Variants in SYT9 observed in about 807,000 individuals in gnomAD.
SYT9 encodes synaptotagmin-9.
In SYT9, 22 loss-of-function variants were observed where a neutral mutation model predicts 48.4. The observed-to-expected ratio is 0.45, with a 90% CI of 0.32 to 0.65. SYT9 has a LOEUF of 0.65. Among genes scored for constraint, SYT9 ranks in the 30% least tolerant of loss-of-function variants. SYT9 has a pLI of 0.03. For missense variants in SYT9, 577 were observed against 622.0 expected (o/e 0.93, Z 0.77); for synonymous variants, 265 against 245.0 (o/e 1.08, Z -0.76).
At chr11:7,366,977 T>C (rs960444247) in intron 3 of SYT9, among the ~76,000 whole-genome samples, 2 of 151,648 alleles carry the variant, frequency 1.3e-5, no homozygotes, top group Non-Finnish European at 2.9e-5. Flanking sequence ...ATATTATACC[T>C]GATTCTCGTG....
chr11:7,416,244 C>G, intron 4 of SYT9, 82 bp downstream of exon 4: 1 of 1,532,078 alleles, frequency 6.5e-7, no homozygotes, highest in East Asian at 2.3e-5. Context: ...GGTAATAAAG[C>G]ACATTGACTC....
At chr11:7,417,157 C>A (rs1055902908) in intron 4 of SYT9, among the ~76,000 whole-genome samples, 13 of 141,686 alleles carry the variant, frequency 9.2e-5, no homozygotes, top group Non-Finnish European at 1.9e-4. Context: ...ATCCTATATC[C>A]CAGTGTTTTT....
At chr11:7,267,301 G>T (rs1564841379) in intron 1 of SYT9, among the ~76,000 whole-genome samples, 1 of 151,768 alleles carries the variant, frequency 6.6e-6, no homozygotes, top group Non-Finnish European at 1.5e-5. Context: ...AAATAATAAA[G>T]AAAAATCATG....
chr11:7,433,353 A>C (rs771790190), intron 6 of SYT9, among the ~76,000 whole-genome samples: 2 of 152,234 alleles, frequency 1.3e-5, no homozygotes, highest in Non-Finnish European at 2.9e-5. Context: ...CCAATCAAGA[A>C]AGTAAATACC....
At chr11:7,462,797 A>C (rs1484858840) in intron 6 of SYT9, among the ~76,000 whole-genome samples, 2 of 152,226 alleles carry the variant, frequency 1.3e-5, no homozygotes, top group Admixed American at 1.3e-4. Context: ...CTTAGTTCAG[A>C]GCCCTTAGGT....
At chr11:7,254,723 C>G (rs1847935481) in intron 1 of SYT9, among the ~76,000 whole-genome samples, 2 of 152,302 alleles carry the variant, frequency 1.3e-5, no homozygotes, top group Middle Eastern at 6.8e-3. Flanking sequence ...CTGTTATTGT[C>G]CATTCACGGC....
intron 3 of SYT9, among the ~76,000 whole-genome samples, chr11:7,348,836 C>G (rs1849853668): frequency 6.6e-6 from 1 of 151,770 alleles, no homozygotes; most frequent in Non-Finnish European, 1.5e-5. Context: ...GACCCGTATC[C>G]TGTCTCTGCT....
chr11:7,311,768 T>C (rs917870089), intron 2 of SYT9, among the ~76,000 whole-genome samples: 1 of 152,180 alleles, frequency 6.6e-6, no homozygotes, highest in Non-Finnish European at 1.5e-5. Flanking sequence ...ATATGGCAGG[T>C]TACTTTCTGC....
intron 3 of SYT9, among the ~76,000 whole-genome samples, chr11:7,375,276 A>G (rs957310511): frequency 3.3e-5 from 5 of 152,198 alleles, no homozygotes; most frequent in East Asian, 3.9e-4. Context: ...CTATTGGTCT[A>G]TGTATCTTTT....
chr11:7,296,099 GA>G (rs1021534042), intron 1 of SYT9, among the ~76,000 whole-genome samples: 1 of 152,122 alleles, frequency 6.6e-6, no homozygotes. Flanking sequence ...GATACCTCAT[GA>G]AAAAAACAGA....
intron 3 of SYT9, among the ~76,000 whole-genome samples, chr11:7,387,027 T>G (rs1236290828): frequency 1.3e-5 from 2 of 152,130 alleles, no homozygotes; most frequent in African/African-American, 2.4e-5. Flanking sequence ...AAACCATCAT[T>G]CTCAGCAAAC....
chr11:7,262,741 G>A (rs1235535345), intron 1 of SYT9, among the ~76,000 whole-genome samples: 2 of 152,066 alleles, frequency 1.3e-5, no homozygotes, highest in Admixed American at 6.6e-5. Context: ...TGGAAGTAAT[G>A]TTGACAAGCA....
At chr11:7,433,092 T>C (rs1847642206) in intron 6 of SYT9, among the ~76,000 whole-genome samples, 1 of 152,122 alleles carries the variant, frequency 6.6e-6, no homozygotes. Context: ...GAGGGAGTTC[T>C]TGCAAGATCT....
chr11:7,412,891 G>A (rs1229450746), intron 3 of SYT9, among the ~76,000 whole-genome samples: 1 of 152,206 alleles, frequency 6.6e-6, no homozygotes, highest in Non-Finnish European at 1.5e-5. Flanking sequence ...TCAGACCCTG[G>A]GAAGAGTGCA....
chr11:7,464,284 G>A (rs1848290331), intron 6 of SYT9, among the ~76,000 whole-genome samples: 1 of 152,192 alleles, frequency 6.6e-6, no homozygotes, highest in Non-Finnish European at 1.5e-5. Flanking sequence ...CTACTAGTTT[G>A]GACTAGGGTT....
At chr11:7,297,858 C>T (rs1301910591) in intron 1 of SYT9, among the ~76,000 whole-genome samples, 9 of 152,112 alleles carry the variant, frequency 5.9e-5, no homozygotes, top group Admixed American at 5.9e-4. Flanking sequence ...AGGCATTATT[C>T]AATTATCTAT....
At chr11:7,326,529 G>A (rs569127782) in intron 3 of SYT9, among the ~76,000 whole-genome samples, 121 of 150,838 alleles carry the variant, frequency 8.0e-4, no homozygotes, top group African/African-American at 2.4e-3. Flanking sequence ...TCTTGCTAGC[G>A]GTCTATCAAT....
At chr11:7,423,182 T>C (rs915869639) in intron 6 of SYT9, among the ~76,000 whole-genome samples, 1 of 152,204 alleles carries the variant, frequency 6.6e-6, no homozygotes, top group Admixed American at 6.5e-5. Flanking sequence ...AGAGGGAGGC[T>C]GCCTCTTCCC....
At chr11:7,265,117 A>G (rs886311116) in intron 1 of SYT9, among the ~76,000 whole-genome samples, 17 of 152,184 alleles carry the variant, frequency 1.1e-4, no homozygotes, top group Non-Finnish European at 4.4e-5. Context: ...TATGAAATAG[A>G]GAGAGATCCT....
Sources: allele counts gnomAD v4.1 joint callset (sites outside exome capture counted in the v4.1 genomes callset), GRCh38; gene constraint gnomAD v4.1.1; transcripts MANE v1.5; gene names NCBI Gene and HGNC (gene_info 2026-07-23, HGNC 2026-07-21).